The following ZNF341 variants were observed in gnomAD, a reference collection of about 807,000 sequenced individuals.
ZNF341 encodes the protein zinc finger protein 341.
In ZNF341, 52 loss-of-function variants were observed where a neutral mutation model predicts 87.7. The observed-to-expected ratio is 0.59, with a 90% CI of 0.47 to 0.75. The LOEUF (loss-of-function observed/expected upper bound fraction) is 0.75, where lower values mean the gene tolerates loss of function less well. Among genes scored for constraint, ZNF341 ranks in the 30% least tolerant of loss-of-function variants. The probability of loss-of-function intolerance (pLI) is 0.00; values close to 1 mark genes in which losing one functional copy is unlikely to be tolerated. For synonymous variants in ZNF341, 459 were observed against 472.7 expected (o/e 0.97, Z 0.38); for missense variants, 977 against 1,145.9 (o/e 0.85, Z 2.13).
chr20:33,783,879 C>G lies in ZNF341; in HGVS notation c.1852+15C>G. ...CATCCACTCGGGTAGGTACCCTGCC[C>G]CTGAGAACTCCAGCCCAGCCCCTCC... On this transcript the variant is annotated intron_variant, in intron 12 of 14. Transcript: ENST00000375200. 1 of 1,609,734 alleles carries G rather than the reference C, an allele frequency of 6.2e-7. No individual in the cohort carries two copies. The highest frequency in any genetic ancestry group is 8.5e-7 in the Non-Finnish European group (1 of 1,177,632).
intron 1 of ZNF341, among the ~76,000 whole-genome samples, chr20:33,739,184 A>G (rs1178064884): frequency 6.6e-6 from 1 of 152,078 alleles, no homozygotes; most frequent in South Asian, 2.1e-4. Context: ...TGGCCAGGCT[A>G]GTCTTGAATT....
At chr20:33,783,034 A>G (rs1353578104) in intron 11 of ZNF341, among the ~76,000 whole-genome samples, 1 of 152,014 alleles carries the variant, frequency 6.6e-6, no homozygotes, top group Non-Finnish European at 1.5e-5. Context: ...GGCACCTGTA[A>G]TCCCAGCTAC....
At chr20:33,787,932 T>G (rs1222072390) in intron 12 of ZNF341, 1 of 152,282 alleles carries the variant, frequency 6.6e-6, no homozygotes, top group East Asian at 1.9e-4. Context: ...CCTTGACTCC[T>G]CTCCTCCTCT....
intron 10 of ZNF341, among the ~76,000 whole-genome samples, chr20:33,770,844 G>C (rs2019516648): frequency 6.6e-6 from 1 of 152,174 alleles, no homozygotes; most frequent in Non-Finnish European, 1.5e-5. Flanking sequence ...CAGTTGGCTG[G>C]GCGTGGTGGC....
chr20:33,760,718 AT>A (rs1439788867), intron 7 of ZNF341, among the ~76,000 whole-genome samples: 5 of 151,308 alleles, frequency 3.3e-5, no homozygotes, highest in Non-Finnish European at 5.9e-5. Flanking sequence ...TAATTTTTGT[AT>A]TTTTTGTAGA....
intron 1 of ZNF341, among the ~76,000 whole-genome samples, chr20:33,738,539 G>A (rs571900683): frequency 6.6e-6 from 1 of 152,292 alleles, no homozygotes; most frequent in African/African-American, 2.4e-5. Flanking sequence ...GCAGTTTGGA[G>A]GTTAAAGGCA....
chr20:33,757,239 C>T lies in ZNF341; in HGVS notation c.833C>T (p.Pro278Leu). ...KQGFKPKGPNPAAPMTSATGG... is the reference protein window; with the variant it reads ...KQGFKPKGPNLAAPMTSATGG... The stretch of plus-strand genomic sequence containing the variant: ...GGATTCAAACCCAAAGGACCAAACC[C>T]CGCCGCCCCCATGACCAGCGCCACC... Residue 278 changes from proline (P) to leucine (L), a missense_variant, in exon 6 of 15, where the codon CCC (proline) becomes CTC (leucine). By Grantham distance (98) the Pro-to-Leu change is moderately conservative. Transcript: ENST00000375200. The T allele has an allele frequency of 6.2e-7, 1 of 1,605,476 alleles. No individual in the cohort carries two copies. Among genetic ancestry groups the T allele is most frequent in the Non-Finnish European group, 8.5e-7 (1 of 1,176,650 alleles).
chr20:33,747,346 T>G (rs2018949773), intron 3 of ZNF341, among the ~76,000 whole-genome samples: 1 of 136,390 alleles, frequency 7.3e-6, no homozygotes, highest in Non-Finnish European at 1.5e-5. Flanking sequence ...CCGGGCGCGG[T>G]GGCTCACGCC....
chr20:33,773,247 C>A (rs758543173), intron 10 of ZNF341, among the ~76,000 whole-genome samples: 4 of 152,178 alleles, frequency 2.6e-5, no homozygotes, highest in African/African-American at 7.2e-5. Context: ...TAGATTCGAA[C>A]CCTAGTGTGA....
chr20:33,769,967 G>A, intron 9 of ZNF341, 117 bp from the exon 10 acceptor site: 1 of 669,650 alleles, frequency 1.5e-6, no homozygotes, highest in Non-Finnish European at 2.6e-6. Context: ...CAGGGGGGCA[G>A]AGGGAGCAGT....
chr20:33,786,770 C>T (rs2122738191), intron 12 of ZNF341, among the ~76,000 whole-genome samples: 1 of 148,184 alleles, frequency 6.7e-6, no homozygotes, highest in South Asian at 2.2e-4. Context: ...GAGTTTGAGA[C>T]CAGCCTGGCC....
chr20:33,744,421 A>G (rs183396363), intron 2 of ZNF341, among the ~76,000 whole-genome samples: 1 of 151,510 alleles, frequency 6.6e-6, no homozygotes, highest in East Asian at 1.9e-4. Context: ...GGTGGATGCA[A>G]AGGCATGGGA....
intron 4 of ZNF341, chr20:33,752,594 A>C: frequency 3.1e-6 from 1 of 324,322 alleles, no homozygotes; most frequent in South Asian, 3.0e-5. Flanking sequence ...TAGCAACATT[A>C]GGCTGCTATA....
intron 1 of ZNF341, among the ~76,000 whole-genome samples, chr20:33,736,339 C>T: frequency 6.6e-6 from 1 of 152,004 alleles, no homozygotes; most frequent in East Asian, 1.9e-4. Context: ...CCCTACCTTG[C>T]CTTTAACCTC....
At chr20:33,749,988 G>A (rs1208653613) in intron 4 of ZNF341, among the ~76,000 whole-genome samples, 1 of 151,708 alleles carries the variant, frequency 6.6e-6, no homozygotes, top group Non-Finnish European at 1.5e-5. Context: ...CATGACCTCA[G>A]GTGATCCACC....
At position 33,732,113 on chromosome 20, in the gene ZNF341, C is replaced by T; in HGVS notation, c.31+61C>T. 1 of 1,126,450 alleles carries T rather than the reference C, an allele frequency of 8.9e-7. No homozygotes were observed. Among genetic ancestry groups the T allele is most frequent in the Non-Finnish European group, 1.1e-6 (1 of 918,306 alleles). 69.8% of individuals were successfully genotyped at this position (1,126,450 alleles called of 1,614,324 possible). A position where few individuals can be genotyped will look rare whatever the true frequency, so the allele number is the denominator to read the frequency against. ...CGCGCTGCGCCCCCTCCCGCCGCGCCCTCGCAGCGCCCGGCCTAGGGCGCG... is the reference window on the plus strand; with the variant it reads ...CGCGCTGCGCCCCCTCCCGCCGCGCTCTCGCAGCGCCCGGCCTAGGGCGCG... On this transcript the variant is annotated intron_variant, in intron 1 of 14. Coordinates refer to ENST00000375200, the MANE Select transcript of ZNF341 (RefSeq NM_001282933.2). The surrounding 1 kb of genome is among the most constrained non-coding windows in gnomAD (Gnocchi z 4.5).
chr20:33,775,508 C>CT (rs772780844), intron 10 of ZNF341, among the ~76,000 whole-genome samples: 1,425 of 135,914 alleles, frequency 0.01, 17 homozygotes, highest in African/African-American at 0.026. Context: ...CGTGCCCGGC[C>CT]TTTTTTTTTT....
At position 33,761,925 on chromosome 20, in the gene ZNF341, T is replaced by C. The variant is rs369875482; in HGVS notation, c.1092T>C (p.Asn364=). 1.1e-5 allele frequency: 17 copies of C among 1,605,376 alleles called. No homozygotes were observed. The highest frequency in any genetic ancestry group is 2.7e-5 in the African/African-American group (2 of 74,764). Residue 364 remains asparagine (N), a synonymous_variant, in exon 8 of 15, where the codon AAT becomes AAC. Coordinates refer to ENST00000375200, the MANE Select transcript of ZNF341 (RefSeq NM_001282933.2). ...ACGRAFAQKS[N]VKKHMQTHKV... is the part of the protein sequence containing the mutation. ...GCCGTGCCTTTGCCCAGAAGTCTAA[T>C]GTTAAGAAACACATGCAGACCCACA...
At chr20:33,734,861 C>T (rs781686230) in intron 1 of ZNF341, among the ~76,000 whole-genome samples, 6 of 151,994 alleles carry the variant, frequency 3.9e-5, no homozygotes, top group African/African-American at 1.4e-4. Flanking sequence ...CATGCCACCA[C>T]GTCTGGCTAA....
Sources: allele counts gnomAD v4.1 joint callset (sites outside exome capture counted in the v4.1 genomes callset), GRCh38; gene constraint gnomAD v4.1.1; non-coding constraint Gnocchi (gnomAD v3.1); transcripts MANE v1.5; gene names NCBI Gene and HGNC (gene_info 2026-07-23, HGNC 2026-07-21).